Variants in PPP1R9A observed in about 807,000 individuals in gnomAD.
The protein encoded by PPP1R9A is protein phosphatase 1 regulatory subunit 9A.
A neutral mutation model predicts 141.9 loss-of-function variants in PPP1R9A; 59 were observed. That is an observed-to-expected ratio of 0.42 (90% CI 0.34 to 0.52). The LOEUF (loss-of-function observed/expected upper bound fraction) is 0.52, where lower values mean the gene tolerates loss of function less well. PPP1R9A is among the 20% of genes least tolerant of loss of function. The pLI, the probability that PPP1R9A is intolerant of heterozygous loss-of-function variation, is 0.10. For synonymous variants in PPP1R9A, 500 were observed against 569.7 expected (o/e 0.88, Z 1.74); for missense variants, 1,444 against 1,611.9 (o/e 0.90, Z 1.78).
intron 5 of PPP1R9A, among the ~76,000 whole-genome samples, chr7:95,194,626 A>G (rs1835963755): frequency 6.6e-6 from 1 of 152,038 alleles, no homozygotes; most frequent in South Asian, 2.1e-4. Flanking sequence ...GTCGCAGAAT[A>G]CAAGGCCAGT....
intron 2 of PPP1R9A, among the ~76,000 whole-genome samples, chr7:95,022,647 T>C (rs1309560328): frequency 6.6e-6 from 1 of 152,190 alleles, no homozygotes; most frequent in Non-Finnish European, 1.5e-5. Context: ...TTTTGAGATA[T>C]GTGCCATCAA....
intron 2 of PPP1R9A, among the ~76,000 whole-genome samples, chr7:94,991,912 A>G (rs984313112): frequency 5.3e-5 from 8 of 152,196 alleles, no homozygotes; most frequent in African/African-American, 1.9e-4. Context: ...TTGGCCTTCC[A>G]AAGTGTTGGG....
chr7:95,258,156 C>A (rs1375637776), intron 12 of PPP1R9A, among the ~76,000 whole-genome samples: 1 of 151,972 alleles, frequency 6.6e-6, no homozygotes, highest in African/African-American at 2.4e-5. Flanking sequence ...GTTCCTATTT[C>A]TCCACATCCT....
chr7:95,181,429 AAT>A (rs974784853), intron 5 of PPP1R9A, among the ~76,000 whole-genome samples: 1 of 135,284 alleles, frequency 7.4e-6, no homozygotes, highest in Non-Finnish European at 1.5e-5. Flanking sequence ...GAATATAGAG[AAT>A]ATATATATTC....
chr7:95,052,543 G>T (rs1810966903), intron 2 of PPP1R9A, among the ~76,000 whole-genome samples: 1 of 152,180 alleles, frequency 6.6e-6, no homozygotes, highest in Non-Finnish European at 1.5e-5. Flanking sequence ...GGAGAAGATA[G>T]TGAGTTTCAT....
intron 18 of PPP1R9A, chr7:95,287,279 T>A (rs1405310689): frequency 9.7e-7 from 1 of 1,034,004 alleles, no homozygotes; most frequent in Non-Finnish European, 1.5e-6. Context: ...ATAGCTTTAC[T>A]CTCTGCCTTT....
intron 2 of PPP1R9A, among the ~76,000 whole-genome samples, chr7:95,081,833 G>T (rs944942164): frequency 6.6e-6 from 1 of 152,156 alleles, no homozygotes; most frequent in African/African-American, 2.4e-5. Context: ...AGCTCTGTAA[G>T]AACAGCAAAT....
intron 2 of PPP1R9A, among the ~76,000 whole-genome samples, chr7:95,048,062 T>C (rs1020996393): frequency 2.6e-5 from 4 of 152,204 alleles, no homozygotes; most frequent in African/African-American, 9.6e-5. Context: ...CTTCATTATA[T>C]TTTTAATTAC....
chr7:95,095,172 A>G (rs867651363), intron 2 of PPP1R9A, among the ~76,000 whole-genome samples: 1 of 152,176 alleles, frequency 6.6e-6, no homozygotes, highest in Non-Finnish European at 1.5e-5. Context: ...GGAGGTACAG[A>G]TGATTGCTGC....
At chr7:95,218,555 G>A (rs1322496202) in intron 7 of PPP1R9A, among the ~76,000 whole-genome samples, 1 of 151,966 alleles carries the variant, frequency 6.6e-6, no homozygotes, top group Non-Finnish European at 1.5e-5. Flanking sequence ...TCTGTCTAAT[G>A]TTGACAGTGG....
intron 7 of PPP1R9A, among the ~76,000 whole-genome samples, chr7:95,210,134 C>A (rs1791761314): frequency 6.6e-6 from 1 of 152,078 alleles, no homozygotes; most frequent in Non-Finnish European, 1.5e-5. Flanking sequence ...GACTTAAATA[C>A]AATAGCATTT....
At chr7:94,930,986 A>G (rs564505980) in intron 2 of PPP1R9A, among the ~76,000 whole-genome samples, 1 of 152,306 alleles carries the variant, frequency 6.6e-6, no homozygotes, top group East Asian at 1.9e-4. Flanking sequence ...ATCCGTACAA[A>G]ATAGTTATGA....
chr7:95,195,444 CTTT>C (rs771744539), intron 5 of PPP1R9A, among the ~76,000 whole-genome samples: 3 of 130,926 alleles, frequency 2.3e-5, no homozygotes, highest in Non-Finnish European at 3.3e-5. Context: ...CCACACCTGG[CTTT>C]TTTTTTTTTT....
chr7:95,257,675 C>A lies in PPP1R9A; in HGVS notation c.2665+5545C>A, dbSNP rs190996512. Among the ~76,000 whole-genome samples the A allele has an allele frequency of 1.5e-3, 233 of 152,162 alleles. 1 individual carries two copies. The highest frequency in any genetic ancestry group is 0.014 in the Middle Eastern group (4 of 294). ...ATGCTATCCCTCCCTGCTCCCCCCA[C>A]CCCACAACAGGCCCCTATGTGTGAT... On this transcript the variant is annotated intron_variant, in intron 12 of 19. Coordinates refer to ENST00000433360, the MANE Select transcript of PPP1R9A (RefSeq NM_001166160.2).
chr7:94,911,821 T>C (rs1791483405), intron 2 of PPP1R9A, among the ~76,000 whole-genome samples: 1 of 152,132 alleles, frequency 6.6e-6, no homozygotes, highest in Non-Finnish European at 1.5e-5. Context: ...ACCAGGAGTG[T>C]TAGTTTGAAA....
intron 2 of PPP1R9A, among the ~76,000 whole-genome samples, chr7:95,016,424 T>G (rs1383776609): frequency 6.6e-6 from 1 of 152,098 alleles, no homozygotes; most frequent in Non-Finnish European, 1.5e-5. Flanking sequence ...CTGGTAATTA[T>G]AGACAAAAAT....
At chr7:95,225,700 C>T (rs1171636575) in intron 7 of PPP1R9A, among the ~76,000 whole-genome samples, 3 of 152,110 alleles carry the variant, frequency 2.0e-5, no homozygotes, top group Non-Finnish European at 4.4e-5. Flanking sequence ...AAAAACAACT[C>T]TTGTTTCTGT....
rs192771071 is a variant in PPP1R9A, at chr7:94,954,509, A to G, written c.1395+43001A>G. 6.6e-3 allele frequency among the ~76,000 whole-genome samples: 1,002 copies of G among 152,032 alleles called. 5 individuals are homozygous for G. The highest frequency in any genetic ancestry group is 0.011 in the Non-Finnish European group (733 of 67,928). ...GGCTTTCCTTGAAGGCCTCTTTTAAAGTCTTTTATTTGCAATATTTTTGTG... is the reference window on the plus strand; with the variant it reads ...GGCTTTCCTTGAAGGCCTCTTTTAAGGTCTTTTATTTGCAATATTTTTGTG... On this transcript the variant is annotated intron_variant, in intron 2 of 19. Coordinates refer to ENST00000433360, the MANE Select transcript of PPP1R9A (RefSeq NM_001166160.2).
intron 11 of PPP1R9A, 47 bp from the exon 12 acceptor site, chr7:95,251,912 A>AG (rs758079352): frequency 3.1e-6 from 5 of 1,609,478 alleles, no homozygotes; most frequent in Non-Finnish European, 4.2e-6. Flanking sequence ...CTGTACTTGG[A>AG]GGGGAGCGCT....
Sources: allele counts gnomAD v4.1 joint callset (sites outside exome capture counted in the v4.1 genomes callset), GRCh38; gene constraint gnomAD v4.1.1; transcripts MANE v1.5; gene names NCBI Gene and HGNC (gene_info 2026-07-23, HGNC 2026-07-21).